TEX26: variants seen among roughly 807,000 people sequenced by gnomAD.
TEX26 encodes testis-expressed protein 26.
A neutral mutation model predicts 35.3 loss-of-function variants in TEX26; 34 were observed. That is an observed-to-expected ratio of 0.96 (90% CI 0.73 to 1.28). The LOEUF is 1.28. Ranked by LOEUF, TEX26 falls within the 50% of genes most tolerant of loss-of-function variation. TEX26 has a pLI of 0.00. For synonymous variants in TEX26, 136 were observed against 111.8 expected (o/e 1.22, Z -1.36); for missense variants, 371 against 330.1 (o/e 1.12, Z -0.96).
At chr13:30,943,569 T>A (rs1197081758) in intron 2 of TEX26, among the ~76,000 whole-genome samples, 1 of 152,148 alleles carries the variant, frequency 6.6e-6, no homozygotes, top group East Asian at 1.9e-4. Context: ...CTTTCAACTT[T>A]TCCCCATTTG....
At position 30,957,719 on chromosome 13, in the gene TEX26, C is replaced by A. The variant is rs571923541; in HGVS notation, c.469+690C>A. 2.6e-5 allele frequency among the ~76,000 whole-genome samples: 4 copies of A among 152,310 alleles called. No individual in the cohort carries two copies. The East Asian group carries it at 7.7e-4, about 29-fold the overall frequency. On this transcript the variant is annotated intron_variant, in intron 4 of 6. Transcript: ENST00000380473. ...CTGCAAGGTGGTGGCATGGGCACTT[C>A]AGTCAGCAATAAGCCCCTTCCAGGG... is the stretch of plus-strand genomic sequence containing the variant.
intron 4 of TEX26, among the ~76,000 whole-genome samples, chr13:30,959,545 C>T (rs368834436): frequency 3.3e-5 from 5 of 152,270 alleles, no homozygotes; most frequent in South Asian, 4.1e-4. Flanking sequence ...TACATGAGTA[C>T]GTAAATGTTT....
intron 5 of TEX26, among the ~76,000 whole-genome samples, chr13:30,968,301 G>T (rs1954606356): frequency 6.6e-6 from 1 of 152,132 alleles, no homozygotes; most frequent in Admixed American, 6.5e-5. Context: ...TTGTTCAGTG[G>T]TAGCAGCCCC....
intron 6 of TEX26, 46 bp downstream of exon 6, chr13:30,969,092 GC>G: frequency 6.6e-7 from 1 of 1,508,542 alleles, no homozygotes; most frequent in South Asian, 1.4e-5. Flanking sequence ...ACAATACATT[GC>G]TTTTGCCAAA....
chr13:30,974,787 A>G (rs1954828170), intron 6 of TEX26, 59 bp from the exon 7 acceptor site: 1 of 1,458,392 alleles, frequency 6.9e-7, no homozygotes, highest in Admixed American at 2.9e-5. Flanking sequence ...GAATTTCCCA[A>G]TTTATCATTT....
At chr13:30,938,991 A>G (rs865945448) in intron 1 of TEX26, among the ~76,000 whole-genome samples, 14 of 152,348 alleles carry the variant, frequency 9.2e-5, no homozygotes, top group Admixed American at 3.3e-4. Context: ...CCATTACAAG[A>G]CATGAATTAG....
At chr13:30,946,775 T>C (rs1953726931) in intron 2 of TEX26, among the ~76,000 whole-genome samples, 1 of 152,044 alleles carries the variant, frequency 6.6e-6, no homozygotes, top group Non-Finnish European at 1.5e-5. Flanking sequence ...TAAATTTAAA[T>C]AGCTGCAAAA....
intron 4 of TEX26, among the ~76,000 whole-genome samples, chr13:30,963,753 G>A (rs1268936616): frequency 1.3e-5 from 2 of 152,184 alleles, no homozygotes; most frequent in Non-Finnish European, 2.9e-5. Flanking sequence ...AGGTGATTCT[G>A]ATGTCTTATT....
In TEX26 at chr13:30,966,134, T is replaced by G; in HGVS notation, c.470-88T>G. Reference sequence around the variant, plus strand: ...ATTGAAGTGTTCATACAGGGCACATTGACCATACCTCTAAACACAGCAAGA... The same window carrying G: ...ATTGAAGTGTTCATACAGGGCACATGGACCATACCTCTAAACACAGCAAGA... On this transcript the variant is annotated intron_variant, in intron 4 of 6. Transcript: ENST00000380473. 3 of 1,432,524 alleles carry G rather than the reference T, an allele frequency of 2.1e-6. No individual in the cohort carries two copies. The South Asian group carries it at 3.6e-5, about 17-fold the overall frequency. The allele number at this position is 1,432,524 out of a possible 1,614,324, so 88.7% of individuals were successfully genotyped here.
intron 2 of TEX26, among the ~76,000 whole-genome samples, chr13:30,951,973 G>A (rs376911785): frequency 5.7e-5 from 2 of 35,018 alleles, no homozygotes; most frequent in Admixed American, 5.5e-4. Flanking sequence ...CAAATTCTTT[G>A]TTGAAGAAAC....
Position 30,975,180 on chromosome 13 carries a change from A to G in TEX26, c.*273A>G. Reference sequence around the variant, plus strand: ...TTTTGGATACTTAATTTGTAGTTTCAATTTTGATTTCTCCTGTGAACTAGG... The same window carrying G: ...TTTTGGATACTTAATTTGTAGTTTCGATTTTGATTTCTCCTGTGAACTAGG... On this transcript the variant is annotated 3_prime_UTR_variant, in exon 7 of 7. Coordinates refer to ENST00000380473, the MANE Select transcript of TEX26 (RefSeq NM_152325.3). 1 of 222,616 alleles carries G rather than the reference A, an allele frequency of 4.5e-6. No homozygotes were observed. Among genetic ancestry groups the G allele is most frequent in the Non-Finnish European group, 8.7e-6 (1 of 114,866 alleles). 13.8% of individuals were successfully genotyped at this position (222,616 alleles called of 1,614,324 possible).
rs1234657235 is a variant in TEX26 at position 30,968,870 on chromosome 13, T to A, written c.647-15T>A. 2.5e-6 allele frequency: 4 copies of A among 1,610,600 alleles called. No homozygotes were observed. The highest frequency in any genetic ancestry group is 3.4e-6 in the Non-Finnish European group (4 of 1,178,514). On this transcript the variant is annotated splice_polypyrimidine_tract_variant and intron_variant, in intron 5 of 6. Transcript: ENST00000380473. ...GCCAGCCTTCCGACCTCTCCTCCCC[T>A]GTGTATTTCTATAGTGCCTTCTGTG...
chr13:30,932,898 C>T lies in TEX26; in HGVS notation c.61+122C>T, dbSNP rs568261974. The T allele has an allele frequency of 5.6e-4, 599 of 1,075,720 alleles. 7 individuals carry two copies. The African/African-American group carries it at 8.7e-3, about 16-fold the overall frequency. The allele number at this position is 1,075,720 out of a possible 1,614,324, so 66.6% of individuals were successfully genotyped here. A position where few individuals can be genotyped will look rare whatever the true frequency, so the allele number is the denominator to read the frequency against. ...GTGGCATCGCTCTTAGGAGTATGCT[C>T]AACTGAGGAAAAGACGGGGAGTCAG... On this transcript the variant is annotated intron_variant, in intron 1 of 6. Transcript: ENST00000380473.
At chr13:30,957,107 G>T (rs1954169140) in intron 4 of TEX26, 78 bp downstream of exon 4, 3 of 1,428,082 alleles carry the variant, frequency 2.1e-6, no homozygotes. Context: ...GCATGCGTGT[G>T]TTCTTCTCCT....
intron 6 of TEX26, among the ~76,000 whole-genome samples, chr13:30,969,477 A>G (rs1237371009): frequency 1.3e-5 from 2 of 152,156 alleles, no homozygotes; most frequent in Non-Finnish European, 2.9e-5. Context: ...ATCTCTATAT[A>G]TCACTCTCTG....
At chr13:30,942,743 C>A (rs1363192517) in intron 2 of TEX26, among the ~76,000 whole-genome samples, 2 of 151,980 alleles carry the variant, frequency 1.3e-5, no homozygotes, top group Non-Finnish European at 2.9e-5. Context: ...ATATGGTGTC[C>A]TTTCCCAAAT....
At chr13:30,958,275 A>G (rs147137730) in intron 4 of TEX26, among the ~76,000 whole-genome samples, 81 of 152,346 alleles carry the variant, frequency 5.3e-4, no homozygotes, top group Non-Finnish European at 1.0e-3. Context: ...TGGTGATTCA[A>G]TGCAATTTTG....
chr13:30,937,969 T>C (rs1407719823), intron 1 of TEX26, among the ~76,000 whole-genome samples: 1 of 152,224 alleles, frequency 6.6e-6, no homozygotes, highest in Non-Finnish European at 1.5e-5. Flanking sequence ...TGCTAAGCAG[T>C]AGCATATAGC....
chr13:30,947,905 A>G (rs1953772923), intron 2 of TEX26, among the ~76,000 whole-genome samples: 1 of 150,838 alleles, frequency 6.6e-6, no homozygotes, highest in Admixed American at 6.6e-5. Context: ...CCACCCCACA[A>G]CTGTCCCTGG....
Sources: gnomAD v4.1 joint callset for allele counts (sites outside exome capture counted in the v4.1 genomes callset) on GRCh38, gnomAD v4.1.1 for gene constraint, MANE v1.5 for transcripts, NCBI Gene and HGNC (gene_info 2026-07-23, HGNC 2026-07-21) for gene names.